CDH7: variants seen among roughly 807,000 people sequenced by gnomAD.
The protein encoded by CDH7 is cadherin-7.
A neutral mutation model predicts 71.8 loss-of-function variants in CDH7; 25 were observed. The observed-to-expected ratio is 0.35, with a 90% CI of 0.25 to 0.49. The LOEUF (loss-of-function observed/expected upper bound fraction) is 0.49, where lower values mean the gene tolerates loss of function less well. Ranked by LOEUF, CDH7 falls within the 20% of genes least tolerant of loss-of-function variation. The probability of loss-of-function intolerance (pLI) is 0.99; values close to 1 mark genes in which losing one functional copy is unlikely to be tolerated. For synonymous variants in CDH7, 381 were observed against 363.8 expected, an observed-to-expected ratio of 1.05 and a Z score of -0.54; for missense variants, 862 against 974.6, an observed-to-expected ratio of 0.88 and a Z score of 1.54.
chr18:65,842,724 A>G (rs1475384140), intron 6 of CDH7, among the ~76,000 whole-genome samples: 2 of 152,056 alleles, frequency 1.3e-5, no homozygotes, highest in African/African-American at 4.8e-5. Context: ...GTATGCCCAA[A>G]CATACAGTGA....
At chr18:65,770,306 C>T (rs1916505294) in intron 2 of CDH7, among the ~76,000 whole-genome samples, 1 of 152,026 alleles carries the variant, frequency 6.6e-6, no homozygotes, top group Admixed American at 6.6e-5. Context: ...GAGCTTTCTC[C>T]CCACATTGCC....
In CDH7 at chr18:65,822,174, G is replaced by C; in HGVS notation, c.719G>C (p.Gly240Ala). The change falls in exon 5 of 12, where the codon GGA becomes GCA. Residue 240 changes from glycine to alanine, a missense_variant. Gly to Ala is a moderately conservative substitution (Grantham distance 60). Transcript: ENST00000397968. ...GCAAAGGATATGGTTGGTCAAAATG[G>C]AGGACTGTCAGGAACTACATCAGTC... ...IQAKDMVGQN[G>A]GLSGTTSVTV... is the part of the protein sequence containing the mutation. The C allele has an allele frequency of 1.2e-6, 2 of 1,613,228 alleles. No homozygotes were observed. Among genetic ancestry groups the C allele is most frequent in the East Asian group, 2.2e-5 (1 of 44,830 alleles).
chr18:65,810,703 T>A (rs890938521), intron 3 of CDH7, among the ~76,000 whole-genome samples: 12 of 152,236 alleles, frequency 7.9e-5, no homozygotes, highest in African/African-American at 2.4e-4. Flanking sequence ...CTCTTCCTCC[T>A]ACCCCCAACC....
chr18:65,799,073 C>T (rs1911019739), intron 2 of CDH7, among the ~76,000 whole-genome samples: 1 of 152,090 alleles, frequency 6.6e-6, no homozygotes, highest in East Asian at 1.9e-4. Flanking sequence ...TTCTCATCTA[C>T]AACTCCTCCT....
chr18:65,820,483 T>A (rs941731264), intron 4 of CDH7, among the ~76,000 whole-genome samples: 1 of 152,154 alleles, frequency 6.6e-6, no homozygotes, highest in Admixed American at 6.5e-5. Flanking sequence ...TGTATGAGAA[T>A]GCTTTTCCAA....
At chr18:65,772,179 T>A (rs550421406) in intron 2 of CDH7, among the ~76,000 whole-genome samples, 2 of 152,312 alleles carry the variant, frequency 1.3e-5, no homozygotes, top group South Asian at 4.1e-4. Context: ...AGATTTGTGA[T>A]GATCACCAGT....
At position 65,824,802 on chromosome 18, in the gene CDH7, A is replaced by G; in HGVS notation, c.952A>G (p.Thr318Ala). ...TTTTAAGATTTCTGTTGACAAAGAA[A>G]CCCAGGAAGGAATCATTACTATACA... ...GIFKISVDKE[T>A]QEGIITIQKE... is the part of the protein sequence containing the mutation. The change falls in exon 6 of 12, where the codon ACC (threonine) becomes GCC (alanine). Residue 318 changes from threonine to alanine, a missense_variant. Physicochemically the swap from Thr to Ala is moderately conservative, Grantham distance 58 (BLOSUM62 0). Transcript: ENST00000397968. The G allele has an allele frequency of 6.2e-7, 1 of 1,611,552 alleles. No individual in the cohort carries two copies. The highest frequency in any genetic ancestry group is 8.5e-7 in the Non-Finnish European group (1 of 1,178,126).
rs56141846 is a variant in CDH7, at chr18:65,802,965, T to C, written c.211-6739T>C. The C allele has an allele frequency of 7.8e-3, 1,192 of 152,292 alleles. 12 individuals carry two copies. Among genetic ancestry groups the C allele is most frequent in the African/African-American group, 0.027 (1,117 of 41,542 alleles). 9.4% of individuals were successfully genotyped at this position (152,292 alleles called of 1,614,324 possible). On this transcript the variant is annotated intron_variant, in intron 2 of 11. Coordinates refer to ENST00000397968, the MANE Select transcript of CDH7 (RefSeq NM_004361.5). ...ACCTTTTGGTTCCAAGGCAGGACTG[T>C]TTTCCCTAAGGAATGCAGATAATTA... is the stretch of plus-strand genomic sequence containing the variant.
At chr18:65,808,644 G>A (rs1440402688) in intron 2 of CDH7, among the ~76,000 whole-genome samples, 1 of 152,102 alleles carries the variant, frequency 6.6e-6, no homozygotes, top group Non-Finnish European at 1.5e-5. Flanking sequence ...CTACAGGGAA[G>A]GATGAAAATG....
At chr18:65,778,143 G>A (rs373619393) in intron 2 of CDH7, among the ~76,000 whole-genome samples, 1 of 151,718 alleles carries the variant, frequency 6.6e-6, no homozygotes, top group Admixed American at 6.6e-5. Context: ...GTGGTGACAC[G>A]CACCTGTAAT....
intron 10 of CDH7, 91 bp from the exon 11 acceptor site, chr18:65,862,575 G>T (rs113011493): frequency 1.6e-6 from 2 of 1,247,756 alleles, no homozygotes; most frequent in Non-Finnish European, 2.3e-6. Flanking sequence ...CCTAATTAAG[G>T]CATCAAAGTA....
intron 7 of CDH7, among the ~76,000 whole-genome samples, chr18:65,857,180 C>CATA (rs1404372650): frequency 1.4e-4 from 21 of 151,382 alleles, no homozygotes; most frequent in African/African-American, 4.8e-4. Context: ...TTACAGGAGT[C>CATA]ATAATAATAA....
At chr18:65,810,050 T>G (rs750823281) in intron 3 of CDH7, 52 bp downstream of exon 3, 2 of 1,467,884 alleles carry the variant, frequency 1.4e-6, no homozygotes, top group Non-Finnish European at 1.9e-6. Context: ...TGGGGAGATT[T>G]GTATTTAAAA....
intron 6 of CDH7, among the ~76,000 whole-genome samples, chr18:65,825,311 A>G (rs1912087497): frequency 6.6e-6 from 1 of 151,924 alleles, no homozygotes; most frequent in Non-Finnish European, 1.5e-5. Context: ...TAATTGGAAG[A>G]CTTGCATATT....
At chr18:65,798,783 G>C (rs1422938310) in intron 2 of CDH7, among the ~76,000 whole-genome samples, 1 of 152,126 alleles carries the variant, frequency 6.6e-6, no homozygotes, top group East Asian at 1.9e-4. Flanking sequence ...GTTATCTTTG[G>C]TCAAGGTGGC....
At chr18:65,801,821 C>T (rs1197700661) in intron 2 of CDH7, among the ~76,000 whole-genome samples, 1 of 152,218 alleles carries the variant, frequency 6.6e-6, no homozygotes, top group African/African-American at 2.4e-5. Context: ...TCCCCTTAAC[C>T]AAATGCAGAC....
chr18:65,783,547 G>A (rs1026539197), intron 2 of CDH7, among the ~76,000 whole-genome samples: 8 of 152,094 alleles, frequency 5.3e-5, no homozygotes, highest in Admixed American at 1.3e-4. Flanking sequence ...TACCACATTA[G>A]TCAGGTATTT....
intron 3 of CDH7, among the ~76,000 whole-genome samples, chr18:65,810,620 A>C (rs1911499445): frequency 7.1e-6 from 1 of 141,476 alleles, no homozygotes; most frequent in African/African-American, 2.7e-5. Context: ...AATGTGTGCC[A>C]TGGTGGTTTG....
chr18:65,794,810 A>C (rs375256836), intron 2 of CDH7, among the ~76,000 whole-genome samples: 1 of 152,148 alleles, frequency 6.6e-6, no homozygotes, highest in East Asian at 1.9e-4. Flanking sequence ...AAGTCTGTGA[A>C]ATTATTGTGT....
Sources: gnomAD v4.1 joint callset for allele counts (sites outside exome capture counted in the v4.1 genomes callset) on GRCh38, gnomAD v4.1.1 for gene constraint, MANE v1.5 for transcripts, NCBI Gene and HGNC (gene_info 2026-07-23, HGNC 2026-07-21) for gene names.